Variants in FMN2 observed in about 807,000 individuals in gnomAD.
The protein encoded by FMN2 is formin-2.
In FMN2, 51 loss-of-function variants were observed where a neutral mutation model predicts 142.3. The observed-to-expected ratio is 0.36, with a 90% confidence interval of 0.29 to 0.45. FMN2 has a LOEUF of 0.45. FMN2 is among the 20% of genes least tolerant of loss of function. FMN2 has a pLI of 1.00. For missense variants in FMN2, 1,936 were observed against 2,122.8 expected, an observed-to-expected ratio of 0.91 and a Z score of 1.73; for synonymous variants, 882 against 869.8, an observed-to-expected ratio of 1.01 and a Z score of -0.25.
At chr1:240,355,377 G>C (rs1158106023) in intron 13 of FMN2, among the ~76,000 whole-genome samples, 4 of 152,128 alleles carry the variant, frequency 2.6e-5, no homozygotes, top group African/African-American at 7.2e-5. Context: ...TAAGTCAGTT[G>C]ATACTGATGA....
intron 7 of FMN2, among the ~76,000 whole-genome samples, chr1:240,283,103 G>A (rs993757911): frequency 6.6e-6 from 1 of 152,138 alleles, no homozygotes; most frequent in Non-Finnish European, 1.5e-5. Context: ...AAGATTGAGG[G>A]ATGATAGTTC....
intron 15 of FMN2, among the ~76,000 whole-genome samples, chr1:240,405,185 G>T (rs917563112): frequency 6.6e-6 from 1 of 152,132 alleles, no homozygotes; most frequent in Non-Finnish European, 1.5e-5. Context: ...TCTAATCACC[G>T]TGCTCTTGAA....
intron 16 of FMN2, among the ~76,000 whole-genome samples, chr1:240,461,616 AT>A (rs1382468983): frequency 2.0e-5 from 3 of 152,168 alleles, no homozygotes; most frequent in Non-Finnish European, 4.4e-5. Context: ...TAGGAATATC[AT>A]TTTCATAGTA....
chr1:240,375,993 A>T (rs1253697691), intron 14 of FMN2, among the ~76,000 whole-genome samples: 1 of 151,942 alleles, frequency 6.6e-6, no homozygotes, highest in Non-Finnish European at 1.5e-5. Context: ...TTTGAAGTTC[A>T]TAATACTTTT....
chr1:240,334,624 C>A (rs111939370), intron 13 of FMN2, among the ~76,000 whole-genome samples: 186 of 145,980 alleles, frequency 1.3e-3, no homozygotes, highest in African/African-American at 4.6e-3. Flanking sequence ...GATTTTCTGG[C>A]TTATGAACTT....
rs754416173 is a variant in FMN2 at position 240,254,153 on chromosome 1, T to C, written c.4066-3792T>C. ...GTGGCTGGGAGGGTCCTTAGGCTCC[T>C]AGGCAGTGGGCATCGTGCTGAGGGA... On this transcript the variant is annotated intron_variant, in intron 6 of 17. Coordinates refer to ENST00000319653, the MANE Select transcript of FMN2 (RefSeq NM_020066.5). Among the ~76,000 whole-genome samples, 10 of 152,238 alleles carry C rather than the reference T, an allele frequency of 6.6e-5. 1 individual carries two copies. In the Middle Eastern group the frequency reaches 0.014, roughly 207 times the overall value.
intron 14 of FMN2, among the ~76,000 whole-genome samples, chr1:240,383,767 T>C (rs1673308281): frequency 6.6e-6 from 1 of 152,154 alleles, no homozygotes; most frequent in East Asian, 1.9e-4. Flanking sequence ...GAAGAAATCA[T>C]TGTGTAGGAA....
intron 3 of FMN2, among the ~76,000 whole-genome samples, chr1:240,187,975 G>A (rs1468715993): frequency 6.6e-6 from 1 of 152,088 alleles, no homozygotes; most frequent in African/African-American, 2.4e-5. Flanking sequence ...ATAGAGAAGG[G>A]CATAGGAATA....
At chr1:240,205,749 C>A (rs2103382595) in intron 4 of FMN2, among the ~76,000 whole-genome samples, 1 of 152,134 alleles carries the variant, frequency 6.6e-6, no homozygotes, top group South Asian at 2.1e-4. Flanking sequence ...GCATGAGCCA[C>A]CACGCCCGGC....
At chr1:240,312,206 C>T (rs1248830315) in intron 8 of FMN2, among the ~76,000 whole-genome samples, 2 of 152,106 alleles carry the variant, frequency 1.3e-5, no homozygotes, top group Non-Finnish European at 2.9e-5. Context: ...TCTCCAGCCA[C>T]CCACCCCCTT....
chr1:240,189,122 G>A (rs1665600521), intron 4 of FMN2, among the ~76,000 whole-genome samples: 1 of 151,152 alleles, frequency 6.6e-6, no homozygotes, highest in African/African-American at 2.4e-5. Context: ...AAATTTTGTG[G>A]GTTTTTTTTT....
At chr1:240,446,798 C>G (rs1675830967) in intron 16 of FMN2, among the ~76,000 whole-genome samples, 1 of 152,128 alleles carries the variant, frequency 6.6e-6, no homozygotes, top group Non-Finnish European at 1.5e-5. Flanking sequence ...AAAGGCTTCC[C>G]CATGGCTCAG....
At chr1:240,295,189 TACACACACACAC>T (rs67137806) in intron 8 of FMN2, among the ~76,000 whole-genome samples, 29,260 of 144,126 alleles carry the variant, frequency 0.2, 3,061 homozygotes, top group Admixed American at 0.33. Flanking sequence ...GTGCACTTCA[TACACACACACAC>T]ACACACACAC....
chr1:240,104,729 C>G (rs1240115021), intron 1 of FMN2, among the ~76,000 whole-genome samples: 1 of 152,142 alleles, frequency 6.6e-6, no homozygotes, highest in Non-Finnish European at 1.5e-5. Context: ...TGAATTTCCA[C>G]CTTGTTTTTT....
chr1:240,432,276 A>G (rs1183145633), intron 15 of FMN2, among the ~76,000 whole-genome samples: 1 of 152,000 alleles, frequency 6.6e-6, no homozygotes, highest in East Asian at 1.9e-4. Flanking sequence ...TAAGGTGTCA[A>G]ATCTACAGGC....
chr1:240,316,416 T>G (rs75431319), intron 8 of FMN2, among the ~76,000 whole-genome samples: 1 of 152,184 alleles, frequency 6.6e-6, no homozygotes, highest in Non-Finnish European at 1.5e-5. Context: ...AGGTGAGGAA[T>G]TTTGTGTTGC....
intron 6 of FMN2, among the ~76,000 whole-genome samples, chr1:240,252,114 G>A (rs778293831): frequency 1.3e-5 from 2 of 151,934 alleles, no homozygotes; most frequent in Non-Finnish European, 2.9e-5. Flanking sequence ...TCACCATTTC[G>A]GCCAGGTTGG....
At chr1:240,137,069 CAAAAAAA>C (rs563163509) in intron 2 of FMN2, among the ~76,000 whole-genome samples, 5 of 76,198 alleles carry the variant, frequency 6.6e-5, no homozygotes, top group African/African-American at 1.5e-4. Context: ...AACTCCGTCT[CAAAAAAA>C]AAAAAAAAAA....
At chr1:240,202,949 A>G (rs1201260522) in intron 4 of FMN2, among the ~76,000 whole-genome samples, 1 of 152,222 alleles carries the variant, frequency 6.6e-6, no homozygotes. Context: ...TAACCTTTTT[A>G]TATAATCATA....
Sources: allele counts gnomAD v4.1 joint callset (sites outside exome capture counted in the v4.1 genomes callset), GRCh38; gene constraint gnomAD v4.1.1; transcripts MANE v1.5; gene names NCBI Gene and HGNC (gene_info 2026-07-23, HGNC 2026-07-21).